ENOSF1: variants seen among roughly 807,000 people sequenced by gnomAD.
ENOSF1 encodes enolase superfamily member 1.
In ENOSF1, 73 loss-of-function variants were observed where a neutral mutation model predicts 68.2. The ratio of observed to expected loss-of-function variants is 1.07; its 90% CI spans 0.89 to 1.30. ENOSF1 has a LOEUF of 1.30. Among genes scored for constraint, ENOSF1 ranks in the 50% most tolerant of loss-of-function variants. The pLI is 0.00. For missense variants in ENOSF1, 589 were observed against 554.5 expected (o/e 1.06, Z -0.62); for synonymous variants, 223 against 210.4 (o/e 1.06, Z -0.52).
At chr18:693,705 C>T (rs910591126) in intron 5 of ENOSF1, 177 bp downstream of exon 5, 3 of 985,368 alleles carry the variant, frequency 3.0e-6, no homozygotes, top group Non-Finnish European at 3.6e-6. Flanking sequence ...TGAGCACAGC[C>T]ATCTGTTACG....
chr18:667,700 T>C (rs768907622), downstream of ENOSF1: 4 of 152,206 alleles, frequency 2.6e-5, no homozygotes, highest in Admixed American at 6.5e-5. Context: ...TAATATTATG[T>C]GTACTTTATC....
chr18:679,766 G>A (rs1399905734), intron 11 of ENOSF1, among the ~76,000 whole-genome samples: 2 of 152,040 alleles, frequency 1.3e-5, no homozygotes, highest in Non-Finnish European at 2.9e-5. Context: ...GACTCTGGGC[G>A]CTCCCATCCA....
At chr18:669,025 G>T (rs749045289), downstream of ENOSF1, 26 of 1,505,608 alleles carry the variant, frequency 1.7e-5, no homozygotes, top group Non-Finnish European at 2.4e-5. Flanking sequence ...CTCATGACAT[G>T]TGTGATTAAT....
chr18:675,473 C>G, intron 14 of ENOSF1, 71 bp from the exon 15 acceptor site: 1 of 1,335,416 alleles, frequency 7.5e-7, no homozygotes, highest in Non-Finnish European at 1.1e-6. Context: ...TAACTTAAAG[C>G]AGAAGGAGCG....
chr18:667,237 G>GGT (rs2074859485), downstream of ENOSF1, among the ~76,000 whole-genome samples: 2 of 36,348 alleles, frequency 5.5e-5, 1 homozygote, highest in African/African-American at 4.1e-4. Flanking sequence ...TGATGGAGAT[G>GGT]GAGATGGTGA....
At chr18:683,191 C>T (rs2076255964) in intron 11 of ENOSF1, 55 bp downstream of exon 11, 21 of 1,607,242 alleles carry the variant, frequency 1.3e-5, no homozygotes, top group Non-Finnish European at 1.7e-5. Context: ...CCCCAGCACT[C>T]TGGAAAACTA....
At chr18:712,298 C>T in intron 1 of ENOSF1, 2 of 1,514,026 alleles carry the variant, frequency 1.3e-6, no homozygotes, top group Admixed American at 2.1e-5. Context: ...GGGAAGCTGC[C>T]CGGGGCCCGC....
rs2077111929 is a variant in ENOSF1, at chr18:691,098, G to A, written c.505C>T (p.Gln169Ter). 1 of 1,614,124 alleles carries A rather than the reference G, an allele frequency of 6.2e-7. No individual in the cohort carries two copies. The highest frequency in any genetic ancestry group is 2.2e-5 in the East Asian group (1 of 44,884). The change falls in exon 7 of 16, where the codon CAG (glutamine) becomes TAG (stop). Residue 169 changes from glutamine to a stop codon, truncating the protein, a stop_gained. Coordinates refer to ENST00000647584, the MANE Select transcript of ENOSF1 (RefSeq NM_017512.7). LOFTEE classifies it high-confidence loss of function. ...LTEEDALEIL[Q>*]KGQIGKKERE... Reference sequence around the variant, plus strand: ...TCTTTTTTACCAATTTGACCTTTCTGCAGTATTTCTGGAAGAAATAAAAAG... The same window carrying A: ...TCTTTTTTACCAATTTGACCTTTCTACAGTATTTCTGGAAGAAATAAAAAG...
At chr18:664,102 T>G in the ENOSF1 span, among the ~76,000 whole-genome samples, 1 of 149,668 alleles carries the variant, frequency 6.7e-6, no homozygotes, top group African/African-American at 2.5e-5. Flanking sequence ...ATAAATTACC[T>G]TGGGCAGTAT....
chr18:665,973 G>GA (rs1421852367), downstream of ENOSF1, among the ~76,000 whole-genome samples: 2 of 97,464 alleles, frequency 2.1e-5, no homozygotes, highest in Non-Finnish European at 3.8e-5. Context: ...GTGCGGTGCT[G>GA]AAAAAAATGT....
intron 1 of ENOSF1, among the ~76,000 whole-genome samples, chr18:708,013 C>T (rs2079116801): frequency 7.0e-6 from 1 of 143,484 alleles, no homozygotes; most frequent in Admixed American, 7.4e-5. Flanking sequence ...GCACCCACCA[C>T]TATGACCAGC....
At chr18:691,540 TCTCA>T (rs2077175328) in intron 5 of ENOSF1, 1 of 366,902 alleles carries the variant, frequency 2.7e-6, no homozygotes, top group Non-Finnish European at 5.0e-6. Context: ...AGAGATGGGG[TCTCA>T]CTATGTTGAC....
At chr18:698,541 A>G (rs981198013) in intron 2 of ENOSF1, among the ~76,000 whole-genome samples, 3 of 152,228 alleles carry the variant, frequency 2.0e-5, no homozygotes, top group African/African-American at 7.2e-5. Flanking sequence ...TTCTTATGAT[A>G]TACTACATTT....
In ENOSF1 at chr18:671,712, G is replaced by C; in HGVS notation, c.*2593C>G. On this transcript the variant is annotated 3_prime_UTR_variant, in exon 16 of 16. Transcript: ENST00000647584. ...AGGGAAGAGCCACATTCAAGCCAGG[G>C]GATTGTCCAAAAGGGGGCATTTTAA... is the stretch of plus-strand genomic sequence containing the variant. 2.0e-6 allele frequency: 1 copy of C among 496,528 alleles called. No individual in the cohort carries two copies. The highest frequency in any genetic ancestry group is 3.5e-6 in the Non-Finnish European group (1 of 284,270). The allele number at this position is 496,528 out of a possible 1,614,324, so 30.8% of individuals were successfully genotyped here.
chr18:693,088 G>T (rs1261431636), intron 5 of ENOSF1: 30 of 1,288,412 alleles, frequency 2.3e-5, no homozygotes, highest in Non-Finnish European at 2.9e-5. Flanking sequence ...GTGAAACCCG[G>T]ACTCACAGCC....
chr18:677,275 G>T, intron 14 of ENOSF1, 70 bp downstream of exon 14: 1 of 1,304,014 alleles, frequency 7.7e-7, no homozygotes, highest in South Asian at 1.2e-5. Context: ...CATGAAGGCA[G>T]AATTTACAAG....
intron 4 of ENOSF1, 71 bp downstream of exon 4, chr18:694,177 C>A: frequency 6.8e-7 from 1 of 1,464,880 alleles, no homozygotes; most frequent in Admixed American, 1.8e-5. Flanking sequence ...GTCTGTCTTT[C>A]CTCTGTGCGT....
At chr18:668,646 A>G (rs1282204034), downstream of ENOSF1, among the ~76,000 whole-genome samples, 10 of 152,218 alleles carry the variant, frequency 6.6e-5, no homozygotes, top group Admixed American at 5.9e-4. Flanking sequence ...TACATAAGAT[A>G]CAACACTCTC....
intron 1 of ENOSF1, among the ~76,000 whole-genome samples, chr18:710,507 AC>A (rs1212880753): frequency 2.0e-5 from 3 of 151,382 alleles, no homozygotes; most frequent in Non-Finnish European, 4.4e-5. Flanking sequence ...AATTACAGCC[AC>A]CCCTCCTTTT....
Sources: allele counts gnomAD v4.1 joint callset (sites outside exome capture counted in the v4.1 genomes callset), GRCh38; gene constraint gnomAD v4.1.1; transcripts MANE v1.5; gene names NCBI Gene and HGNC (gene_info 2026-07-23, HGNC 2026-07-21).